SMYD3: variants seen among roughly 807,000 people sequenced by gnomAD.
SMYD3 encodes SET and MYND domain containing 3, also known as histone-lysine N-methyltransferase SMYD3.
SMYD3 carries 36 observed loss-of-function variants against 57.7 expected under a neutral mutation model. The ratio of observed to expected loss-of-function variants is 0.62; its 90% CI spans 0.48 to 0.82. The LOEUF (loss-of-function observed/expected upper bound fraction) is 0.82. SMYD3 is among the 40% of genes least tolerant of loss of function. SMYD3 has a pLI of 0.00. For synonymous variants in SMYD3, 211 were observed against 195.0 expected, an observed-to-expected ratio of 1.08 and a Z score of -0.68; for missense variants, 515 against 538.8, an observed-to-expected ratio of 0.96 and a Z score of 0.44.
intron 1 of SMYD3, among the ~76,000 whole-genome samples, chr1:246,363,443 G>A (rs1224483898): frequency 6.6e-6 from 1 of 152,336 alleles, no homozygotes; most frequent in Middle Eastern, 3.4e-3. Context: ...ATTGAGAACG[G>A]GCCATGATGA....
intron 8 of SMYD3, among the ~76,000 whole-genome samples, chr1:245,899,409 T>TGGGAAG (rs2054041105): frequency 6.6e-6 from 1 of 152,182 alleles, no homozygotes; most frequent in South Asian, 2.1e-4. Context: ...TCTCTTCCAC[T>TGGGAAG]AGAAAATATT....
At chr1:246,253,442 C>G (rs2063827818) in intron 5 of SMYD3, among the ~76,000 whole-genome samples, 1 of 152,178 alleles carries the variant, frequency 6.6e-6, no homozygotes, top group Admixed American at 6.5e-5. Context: ...CTGCAAAGGA[C>G]ATGATTTTGT....
intron 5 of SMYD3, among the ~76,000 whole-genome samples, chr1:245,933,869 C>T (rs889711322): frequency 9.9e-5 from 15 of 152,142 alleles, no homozygotes; most frequent in African/African-American, 3.6e-4. Flanking sequence ...AAAATCAGAA[C>T]AGCCATAAGC....
intron 8 of SMYD3, among the ~76,000 whole-genome samples, chr1:245,904,940 G>A (rs2054459534): frequency 1.3e-5 from 2 of 151,682 alleles, no homozygotes; most frequent in East Asian, 3.9e-4. Context: ...AGAGTCGTGA[G>A]GCCCCCATTC....
intron 5 of SMYD3, chr1:245,953,297 T>C: frequency 2.0e-6 from 2 of 999,032 alleles, no homozygotes; most frequent in Non-Finnish European, 1.2e-6. Context: ...CATTAATATA[T>C]CAACTCCAAC....
chr1:246,469,223 C>T (rs1386068607), intron 1 of SMYD3, among the ~76,000 whole-genome samples: 1 of 152,190 alleles, frequency 6.6e-6, no homozygotes, highest in Non-Finnish European at 1.5e-5. Context: ...ATCTGACACA[C>T]CTCCCAAACA....
chr1:246,255,314 CTT>C (rs1558353225), intron 5 of SMYD3, among the ~76,000 whole-genome samples: 3 of 141,700 alleles, frequency 2.1e-5, no homozygotes, highest in Admixed American at 1.5e-4. Context: ...TTTGATGGAT[CTT>C]ATTATAATAA....
At chr1:246,097,222 G>A (rs1393984203) in intron 5 of SMYD3, among the ~76,000 whole-genome samples, 1 of 151,956 alleles carries the variant, frequency 6.6e-6, no homozygotes, top group Non-Finnish European at 1.5e-5. Flanking sequence ...TCCTTAACTT[G>A]CACCAAGCCT....
rs374297002 is a variant in SMYD3, at chr1:245,984,965, C to T, written c.532-55028G>A. On this transcript the variant is annotated intron_variant, in intron 5 of 11. Transcript: ENST00000490107. ...AACTCTGCTGAATGTGCACATCTCA[C>T]GACCCCACATGAACTTAACAGTTTC... Among the ~76,000 whole-genome samples, 108 of 152,188 alleles carry T rather than the reference C, an allele frequency of 7.1e-4. No individual in the cohort carries two copies. In the South Asian group the frequency reaches 0.02, roughly 28 times the overall value.
intron 5 of SMYD3, among the ~76,000 whole-genome samples, chr1:246,025,682 C>T (rs1183959733): frequency 6.6e-6 from 1 of 152,024 alleles, no homozygotes; most frequent in Non-Finnish European, 1.5e-5. Flanking sequence ...AGCAATGTAC[C>T]CTCTTGATGA....
intron 11 of SMYD3, among the ~76,000 whole-genome samples, chr1:245,754,383 T>A (rs1035671236): frequency 6.6e-6 from 1 of 151,898 alleles, no homozygotes; most frequent in Non-Finnish European, 1.5e-5. Context: ...GGAAAAGAAA[T>A]GTATGCATGA....
At chr1:245,769,590 G>C (rs2046258513) in intron 10 of SMYD3, among the ~76,000 whole-genome samples, 2 of 152,156 alleles carry the variant, frequency 1.3e-5, no homozygotes, top group Admixed American at 1.3e-4. Flanking sequence ...CCAAATACGA[G>C]GTGCAGACCT....
intron 2 of SMYD3, among the ~76,000 whole-genome samples, chr1:246,341,252 AC>A (rs1348727813): frequency 6.6e-6 from 1 of 152,180 alleles, no homozygotes; most frequent in African/African-American, 2.4e-5. Flanking sequence ...GTGCTTCTTA[AC>A]TTTTTAATGT....
intron 1 of SMYD3, among the ~76,000 whole-genome samples, chr1:246,446,825 C>T (rs923373816): frequency 3.3e-5 from 5 of 152,008 alleles, no homozygotes; most frequent in Admixed American, 2.6e-4. Flanking sequence ...GTCGGGAGAT[C>T]GACACCATCC....
At chr1:246,144,563 T>C (rs2061813391) in intron 5 of SMYD3, among the ~76,000 whole-genome samples, 1 of 152,212 alleles carries the variant, frequency 6.6e-6, no homozygotes, top group Admixed American at 6.5e-5. Context: ...ATACCCTCCC[T>C]GTCAACAAAT....
chr1:245,995,666 G>C (rs533099741), intron 5 of SMYD3, among the ~76,000 whole-genome samples: 19 of 152,366 alleles, frequency 1.2e-4, no homozygotes, highest in East Asian at 9.6e-4. Flanking sequence ...AGTAGGGGGT[G>C]GGGGAGAGAC....
chr1:245,973,083 G>C (rs541079475), intron 5 of SMYD3, among the ~76,000 whole-genome samples: 1 of 152,140 alleles, frequency 6.6e-6, no homozygotes, highest in Non-Finnish European at 1.5e-5. Context: ...CACATTGAAG[G>C]TTCCACGGCC....
chr1:246,346,054 G>A (rs982689734), intron 2 of SMYD3, among the ~76,000 whole-genome samples: 5 of 152,158 alleles, frequency 3.3e-5, no homozygotes, highest in African/African-American at 1.2e-4. Flanking sequence ...GGAGGCCAAG[G>A]GGGGTGGATC....
chr1:246,507,179 C>G lies in SMYD3; in HGVS notation c.39G>C (p.Lys13Asn), dbSNP rs7520453. 1,313,251 of 1,529,572 alleles carry G rather than the reference C, an allele frequency of 0.86. 568,488 individuals carry two copies. Among genetic ancestry groups the G allele is most frequent in the East Asian group, 0.89 (33,960 of 37,996 alleles). 94.8% of individuals were successfully genotyped at this position (1,529,572 alleles called of 1,614,324 possible). ...PLKVEKFATAKRGNGLRAVTP... is the reference protein window; with the variant it reads ...PLKVEKFATANRGNGLRAVTP... ...TCACGGCGCGCAGCCCGTTTCCCCT[C>G]TTGGCGGTTGCGAACTTTTCCACCT... Residue 13 changes from lysine to asparagine, a missense_variant, in exon 1 of 12, where the codon AAG becomes AAC. Transcript: ENST00000490107.
Sources: allele counts gnomAD v4.1 joint callset (sites outside exome capture counted in the v4.1 genomes callset), GRCh38; gene constraint gnomAD v4.1.1; transcripts MANE v1.5; gene names NCBI Gene and HGNC (gene_info 2026-07-23, HGNC 2026-07-21).